SAFB: variants seen among roughly 807,000 people sequenced by gnomAD.
The protein encoded by SAFB is scaffold attachment factor B, also known as scaffold attachment factor B1.
A neutral mutation model predicts 101.6 loss-of-function variants in SAFB; 15 were observed. That is an observed-to-expected ratio of 0.15 (90% confidence interval 0.10 to 0.23). The LOEUF is 0.23. SAFB is among the 10% of genes least tolerant of loss of function. The pLI, the probability that SAFB is intolerant of heterozygous loss-of-function variation, is 1.00. For missense variants in SAFB, 930 were observed against 1,104.1 expected, an observed-to-expected ratio of 0.84 and a Z score of 2.23; for synonymous variants, 449 against 407.5, an observed-to-expected ratio of 1.10 and a Z score of -1.23.
At chr19:5,644,700 G>A (rs967363930) in intron 4 of SAFB, among the ~76,000 whole-genome samples, 21 of 152,208 alleles carry the variant, frequency 1.4e-4, no homozygotes, top group Non-Finnish European at 2.9e-4. Context: ...AGAGCAGATG[G>A]CCAAAATTGG....
chr19:5,667,193 A>ACCCCC lies in SAFB; in HGVS notation c.2453+35_2453+39dup. The ACCCCC allele has an allele frequency of 9.1e-7, 1 of 1,096,046 alleles. No individual in the cohort carries two copies. The highest frequency in any genetic ancestry group is 1.3e-6 in the Non-Finnish European group (1 of 791,706). The allele number at this position is 1,096,046 out of a possible 1,614,324, so 67.9% of individuals were successfully genotyped here. A position where few individuals can be genotyped will look rare whatever the true frequency, so the allele number is the denominator to read the frequency against. Reference sequence around the variant, plus strand: ...TGTGTCCCACACCCGACAGTACCTGACCCCCCCCCCGCCCACAAGGGGGCC... The same window carrying ACCCCC: ...TGTGTCCCACACCCGACAGTACCTGACCCCCCCCCCCCCCCGCCCACAAGGGGGCC... On this transcript the variant is annotated intron_variant, in intron 18 of 20. Transcript: ENST00000588852. The surrounding 1 kb of genome is among the most constrained non-coding windows in gnomAD (Gnocchi z 4.0).
intron 1 of SAFB, among the ~76,000 whole-genome samples, chr19:5,625,537 G>A (rs1167565019): frequency 1.3e-5 from 2 of 152,210 alleles, no homozygotes; most frequent in African/African-American, 4.8e-5. Context: ...ATGAAATGAT[G>A]TAAACAAAAC....
intron 17 of SAFB, chr19:5,666,678 G>A (rs2054333702): frequency 6.9e-6 from 2 of 288,576 alleles, no homozygotes; most frequent in South Asian, 4.4e-5. Context: ...GTAGAAGACA[G>A]TAAGAGAATA....
Position 5,653,411 on chromosome 19 carries a change from A to G in SAFB, c.1517A>G (p.Asn506Ser). 6.2e-7 allele frequency: 1 copy of G among 1,614,028 alleles called. No homozygotes were observed. Residue 506 changes from asparagine (N) to serine (S), a missense_variant, in exon 11 of 21, where the codon AAC becomes AGC. Physicochemically the swap from Asn to Ser is conservative, Grantham distance 46. Transcript: ENST00000588852. ...GACGGGAAAAAGGAGAAGTCGAGCA[A>G]CAGTGACAGGTACCCCTCCTTCCTG... is the stretch of plus-strand genomic sequence containing the variant. ...DSDGKKEKSS[N>S]SDRSTNLKRD...
intron 2 of SAFB, among the ~76,000 whole-genome samples, chr19:5,633,585 C>G (rs1465137387): frequency 1.3e-5 from 2 of 152,104 alleles, no homozygotes; most frequent in Admixed American, 1.3e-4. Context: ...CGAGACCATC[C>G]TGGCTAACAC....
intron 14 of SAFB, among the ~76,000 whole-genome samples, chr19:5,660,186 T>C (rs577582643): frequency 1.3e-5 from 2 of 152,232 alleles, no homozygotes; most frequent in South Asian, 4.1e-4. Flanking sequence ...GTTTCTGATA[T>C]AAAACTGTGT....
At chr19:5,655,046 G>A (rs905112615) in intron 13 of SAFB, among the ~76,000 whole-genome samples, 2 of 152,108 alleles carry the variant, frequency 1.3e-5, no homozygotes, top group African/African-American at 4.8e-5. Flanking sequence ...GCACCTCCCC[G>A]TGATGCATTC....
chr19:5,623,494 G>C (rs2053242695), intron 1 of SAFB, 100 bp downstream of exon 1: 2 of 1,045,398 alleles, frequency 1.9e-6, no homozygotes, highest in Admixed American at 3.3e-5. Flanking sequence ...GGCCGCGTTC[G>C]CGGCCTCGCC....
intron 2 of SAFB, 107 bp from the exon 3 acceptor site, chr19:5,641,487 G>T (rs2053712677): frequency 2.3e-6 from 2 of 858,758 alleles, no homozygotes; most frequent in Middle Eastern, 2.3e-4. Flanking sequence ...AAGTAGTGAG[G>T]TGTCTCAGAT....
At chr19:5,624,990 G>T (rs977555285) in intron 1 of SAFB, among the ~76,000 whole-genome samples, 10 of 152,174 alleles carry the variant, frequency 6.6e-5, no homozygotes, top group African/African-American at 2.4e-4. Flanking sequence ...CTGAAAAGCT[G>T]CTGTGATCTT....
intron 2 of SAFB, among the ~76,000 whole-genome samples, chr19:5,638,757 T>C (rs555701282): frequency 1.3e-5 from 2 of 150,044 alleles, no homozygotes; most frequent in East Asian, 3.9e-4. Context: ...TGTCTTGCTC[T>C]GTCACCCAGG....
intron 7 of SAFB, 198 bp downstream of exon 7, chr19:5,649,697 G>T (rs1253089565): frequency 1.1e-5 from 8 of 755,790 alleles, no homozygotes; most frequent in Middle Eastern, 3.4e-4. Context: ...ACCTACCATG[G>T]TTGTGTTCTT....
intron 15 of SAFB, among the ~76,000 whole-genome samples, chr19:5,663,276 C>G (rs908173100): frequency 1.3e-5 from 2 of 152,262 alleles, no homozygotes; most frequent in Non-Finnish European, 2.9e-5. Flanking sequence ...GCTGGGATTA[C>G]AGGCATGAGC....
At position 5,653,004 on chromosome 19, in the gene SAFB, C is replaced by G. The variant is rs145513160; in HGVS notation, c.1294-111C>G. 4.7e-6 allele frequency: 5 copies of G among 1,074,668 alleles called. No individual in the cohort carries two copies. The East Asian group carries it at 7.2e-5, about 16-fold the overall frequency. 66.6% of individuals were successfully genotyped at this position (1,074,668 alleles called of 1,614,324 possible). On this transcript the variant is annotated intron_variant, in intron 9 of 20. Transcript: ENST00000588852. ...CATTAGTAGCATTGTCCTCCCCAGT[C>G]TAACACTTGTCGGACCCCTGATGAG...
At chr19:5,650,827 G>A in intron 8 of SAFB, 151 bp from the exon 9 acceptor site, 1 of 583,370 alleles carries the variant, frequency 1.7e-6, no homozygotes, top group Non-Finnish European at 3.1e-6. Context: ...CTCTTGGTGA[G>A]GATAGTGGTC....
Position 5,623,194 on chromosome 19 carries a change from A to C in SAFB, c.-12A>C, listed in dbSNP as rs771802660. 1.8e-5 allele frequency: 29 copies of C among 1,572,668 alleles called. 1 individual carries two copies. In the Middle Eastern group the frequency reaches 1.9e-3, roughly 101 times the overall value. ...TCTGTGGAAAGTGGGCGGCGGAGCC[A>C]GGGTCCCTGGAATGGCGGAGACTCT... On this transcript the variant is annotated 5_prime_UTR_variant, in exon 1 of 21. Coordinates refer to ENST00000588852, the MANE Select transcript of SAFB (RefSeq NM_001201338.2).
chr19:5,657,185 A>G (rs1326774077), intron 13 of SAFB, 56 bp from the exon 14 acceptor site: 3 of 1,341,266 alleles, frequency 2.2e-6, no homozygotes, highest in Non-Finnish European at 3.2e-6. Context: ...GATTACAGGC[A>G]TAAGCCTCCG....
intron 9 of SAFB, 130 bp from the exon 10 acceptor site, chr19:5,652,985 T>A (rs1472138939): frequency 1.2e-6 from 1 of 846,464 alleles, no homozygotes; most frequent in Non-Finnish European, 1.8e-6. Context: ...GAAGCATTAG[T>A]AGCATTGTCC....
intron 9 of SAFB, among the ~76,000 whole-genome samples, chr19:5,652,855 G>A (rs1389032562): frequency 6.6e-6 from 1 of 152,106 alleles, no homozygotes; most frequent in Non-Finnish European, 1.5e-5. Context: ...AGGAACACTG[G>A]CAGAACCCTG....
Sources: allele counts gnomAD v4.1 joint callset (sites outside exome capture counted in the v4.1 genomes callset), GRCh38; gene constraint gnomAD v4.1.1; non-coding constraint Gnocchi (gnomAD v3.1); transcripts MANE v1.5; gene names NCBI Gene and HGNC (gene_info 2026-07-23, HGNC 2026-07-21).